The following JCAD variants were observed in gnomAD, a reference collection of about 807,000 sequenced individuals.
JCAD encodes junctional cadherin 5-associated protein.
In JCAD, 40 loss-of-function variants were observed where a neutral mutation model predicts 98.0. That is an observed-to-expected ratio of 0.41 (90% CI 0.32 to 0.53). The LOEUF (loss-of-function observed/expected upper bound fraction) is 0.53, where lower values mean the gene tolerates loss of function less well. Ranked by LOEUF, JCAD falls within the 20% of genes least tolerant of loss-of-function variation. JCAD has a pLI of 0.31. For missense variants in JCAD, 1,705 were observed against 1,738.1 expected, an observed-to-expected ratio of 0.98 and a Z score of 0.34; for synonymous variants, 691 against 682.3, an observed-to-expected ratio of 1.01 and a Z score of -0.20.
rs1564450178 is a variant in JCAD, at chr10:30,040,178, AG to A, written c.281+7353del. ...GTAATCAACAGGCCTTCACAATGCC[AG>A]GAAAGAGTGACGTAGCTGACTGTCA... On this transcript the variant is annotated intron_variant, in intron 2 of 3. Transcript: ENST00000375377. Among the ~76,000 whole-genome samples the A allele has an allele frequency of 3.3e-5, 5 of 152,320 alleles. 1 individual carries two copies. The highest frequency in any genetic ancestry group is 3.3e-4 in the Admixed American group (5 of 15,306).
At position 30,076,937 on chromosome 10, in the gene JCAD, G is replaced by A. The variant is rs543472140; in HGVS notation, n.129-7116C>T. The stretch of plus-strand genomic sequence containing the variant: ...ATTTTAAAAGGATTCTCGGGGAGTG[G>A]AGAAGGCACATTCCCCAGCAGAACT... On this transcript the variant is annotated intron_variant and non_coding_transcript_variant, in intron 1 of 2. Transcript: ENST00000465712. 3.9e-5 allele frequency among the ~76,000 whole-genome samples: 6 copies of A among 152,314 alleles called. No individual in the cohort carries two copies. In the East Asian group the frequency reaches 7.7e-4, roughly 20 times the overall value.
Position 30,092,117 on chromosome 10 carries a change from TATATATATAAAA to T in JCAD, n.129-22308_129-22297del, listed in dbSNP as rs1365345230. Among the ~76,000 whole-genome samples the T allele has an allele frequency of 6.3e-5, 7 of 110,942 alleles. 1 individual carries two copies. Among genetic ancestry groups the T allele is most frequent in the African/African-American group, 2.9e-4 (7 of 24,044 alleles). The allele number at this position is 110,942 out of a possible 152,430, so 72.8% of individuals were successfully genotyped here. A position where few individuals can be genotyped will look rare whatever the true frequency, so the allele number is the denominator to read the frequency against. ...GTTACTTTATATATATATATATATA[TATATATATAAAA>T]AACATTTTAACTCTTTGCAAGAAGT... On this transcript the variant is annotated intron_variant and non_coding_transcript_variant, in intron 1 of 2. Transcript: ENST00000465712.
intron 2 of JCAD, among the ~76,000 whole-genome samples, chr10:30,045,669 C>A (rs902573258): frequency 1.2e-4 from 18 of 152,186 alleles, no homozygotes; most frequent in Admixed American, 3.3e-4. Flanking sequence ...TGGAAAATGG[C>A]AGCCAAGAAA....
chr10:30,111,342 C>A (rs1333859813), intron 1 of JCAD, among the ~76,000 whole-genome samples: 1 of 152,186 alleles, frequency 6.6e-6, no homozygotes, highest in Non-Finnish European at 1.5e-5. Context: ...AGACTGGTCT[C>A]TAACTCCTGG....
At chr10:30,021,561 T>C (rs1228599916) in intron 3 of JCAD, among the ~76,000 whole-genome samples, 1 of 152,246 alleles carries the variant, frequency 6.6e-6, no homozygotes, top group Non-Finnish European at 1.5e-5. Flanking sequence ...TTAATTTTAA[T>C]ACTGTATTTC....
intron 1 of JCAD, among the ~76,000 whole-genome samples, chr10:30,101,703 G>A (rs1047442206): frequency 3.9e-5 from 6 of 152,008 alleles, no homozygotes; most frequent in Non-Finnish European, 7.4e-5. Flanking sequence ...CTGAGAGGAG[G>A]GGTCCATTCA....
intron 1 of JCAD, among the ~76,000 whole-genome samples, chr10:30,101,873 T>C (rs1268461616): frequency 6.6e-6 from 1 of 152,232 alleles, no homozygotes; most frequent in African/African-American, 2.4e-5. Context: ...TGGTGTCTAC[T>C]GTGGGCAAGG....
intron 1 of JCAD, among the ~76,000 whole-genome samples, chr10:30,072,104 GA>G (rs139005785): frequency 0.03 from 4,511 of 151,358 alleles, 88 homozygotes; most frequent in Non-Finnish European, 0.046. Flanking sequence ...TACTATTCTG[GA>G]AGGAAGGAAA....
chr10:30,039,216 G>A (rs990865861), intron 2 of JCAD, among the ~76,000 whole-genome samples: 1 of 152,212 alleles, frequency 6.6e-6, no homozygotes, highest in Non-Finnish European at 1.5e-5. Context: ...CCACATCAAT[G>A]ATCATCCTGG....
At chr10:30,035,181 C>T (rs891375404) in intron 2 of JCAD, among the ~76,000 whole-genome samples, 8 of 152,208 alleles carry the variant, frequency 5.3e-5, no homozygotes, top group Non-Finnish European at 7.3e-5. Flanking sequence ...GACAAGAATA[C>T]AAACAGCCTG....
At chr10:30,059,641 G>A (rs896616860), upstream of JCAD, 1 of 152,582 alleles carries the variant, frequency 6.6e-6, no homozygotes, top group African/African-American at 2.4e-5. The surrounding 1 kb of genome is among the most constrained non-coding windows in gnomAD (Gnocchi z 5.0). Flanking sequence ...CCACCGCCCG[G>A]GGCTGCCTCC....
At chr10:30,042,510 G>A (rs1837261850) in intron 2 of JCAD, among the ~76,000 whole-genome samples, 1 of 152,144 alleles carries the variant, frequency 6.6e-6, no homozygotes, top group Admixed American at 6.6e-5. Flanking sequence ...GGGAGCAAGG[G>A]CGGAGTCTAA....
At chr10:30,102,638 C>A (rs1262007694) in intron 1 of JCAD, among the ~76,000 whole-genome samples, 2 of 152,238 alleles carry the variant, frequency 1.3e-5, no homozygotes, top group African/African-American at 4.8e-5. Context: ...CTACTCTCTG[C>A]TTCTATGAGT....
intron 1 of JCAD, among the ~76,000 whole-genome samples, chr10:30,096,620 ATT>A (rs1209765865): frequency 1.2e-4 from 17 of 140,078 alleles, no homozygotes; most frequent in Admixed American, 2.2e-4. Flanking sequence ...ATGAGCTGGG[ATT>A]TTTTTTTTTT....
At chr10:30,081,084 C>T (rs567999960) in intron 1 of JCAD, among the ~76,000 whole-genome samples, 2 of 152,296 alleles carry the variant, frequency 1.3e-5, no homozygotes, top group African/African-American at 2.4e-5. Context: ...TCCTTACTAC[C>T]GACCACCTGG....
At chr10:30,057,131 A>T (rs1445056235) in intron 1 of JCAD, among the ~76,000 whole-genome samples, 2 of 152,258 alleles carry the variant, frequency 1.3e-5, no homozygotes, top group African/African-American at 4.8e-5. Context: ...ACAATAGAAC[A>T]ATTGTTTCAC....
intron 1 of JCAD, among the ~76,000 whole-genome samples, chr10:30,049,297 T>C (rs1387274324): frequency 2.0e-5 from 3 of 152,068 alleles, no homozygotes; most frequent in Admixed American, 1.3e-4. Context: ...TGGACGGAAA[T>C]AGAGCCGCTG....
At chr10:30,091,714 ATTTTTTTTTTT>A (rs11307523) in intron 1 of JCAD, among the ~76,000 whole-genome samples, 15 of 81,752 alleles carry the variant, frequency 1.8e-4, no homozygotes, top group Admixed American at 1.7e-3. Context: ...AAGTTTTTAA[ATTTTTTTTTTT>A]TTTTTTTTTT....
At chr10:30,037,395 G>A (rs552415529) in intron 2 of JCAD, among the ~76,000 whole-genome samples, 14 of 152,316 alleles carry the variant, frequency 9.2e-5, no homozygotes, top group Non-Finnish European at 2.1e-4. Context: ...AGTCAGAAAA[G>A]AGAAAACTGC....
Sources: allele counts gnomAD v4.1 joint callset (sites outside exome capture counted in the v4.1 genomes callset), GRCh38; gene constraint gnomAD v4.1.1; non-coding constraint Gnocchi (gnomAD v3.1); transcripts MANE v1.5; gene names NCBI Gene and HGNC (gene_info 2026-07-23, HGNC 2026-07-21).